The following DLGAP2 variants were observed in gnomAD, a reference collection of about 807,000 sequenced individuals.
The protein encoded by DLGAP2 is disks large-associated protein 2.
In DLGAP2, 26 loss-of-function variants were observed where a neutral mutation model predicts 100.3. The observed-to-expected ratio is 0.26, with a 90% CI of 0.19 to 0.36. DLGAP2 has a LOEUF of 0.36. DLGAP2 is among the 10% of genes least tolerant of loss of function. The pLI, the probability that DLGAP2 is intolerant of heterozygous loss-of-function variation, is 1.00. For synonymous variants in DLGAP2, 886 were observed against 630.1 expected (o/e 1.41, Z -6.08); for missense variants, 1,858 against 1,453.2 (o/e 1.28, Z -4.53).
rs181054448 is a variant in DLGAP2 at position 1,011,062 on chromosome 8, G to A, written c.73+103096G>A. Among the ~76,000 whole-genome samples the A allele has an allele frequency of 2.0e-5, 3 of 151,982 alleles. No individual in the cohort carries two copies. In the East Asian group the frequency reaches 5.8e-4, roughly 30 times the overall value. On this transcript the variant is annotated intron_variant, in intron 2 of 14. Coordinates refer to ENST00000637795, the MANE Select transcript of DLGAP2 (RefSeq NM_001346810.2). ...GTCTGCATGGTGATTCTGGGCAAGGGGTCTCAGTCTACACAGTGAGCCCTG... is the reference window on the plus strand; with the variant it reads ...GTCTGCATGGTGATTCTGGGCAAGGAGTCTCAGTCTACACAGTGAGCCCTG...
intron 3 of DLGAP2, among the ~76,000 whole-genome samples, chr8:1,468,558 C>G (rs1303774515): frequency 6.6e-6 from 1 of 152,252 alleles, no homozygotes; most frequent in Admixed American, 6.5e-5. Flanking sequence ...GATCCCAAGC[C>G]TTAGGCTCCT....
intron 2 of DLGAP2, among the ~76,000 whole-genome samples, chr8:1,128,674 G>T (rs1374127532): frequency 1.3e-5 from 2 of 152,222 alleles, no homozygotes; most frequent in Non-Finnish European, 2.9e-5. Context: ...GGTGTTAAGA[G>T]ATATGAGATT....
chr8:940,452 T>C (rs1246326597), intron 2 of DLGAP2, among the ~76,000 whole-genome samples: 1 of 152,024 alleles, frequency 6.6e-6, no homozygotes, highest in Non-Finnish European at 1.5e-5. Context: ...TCGTCCCTGC[T>C]TAGCCGGGAT....
At chr8:1,681,277 G>A (rs1159607219) in intron 12 of DLGAP2, among the ~76,000 whole-genome samples, 1 of 151,934 alleles carries the variant, frequency 6.6e-6, no homozygotes, top group Non-Finnish European at 1.5e-5. Flanking sequence ...CATGTTTAGT[G>A]CATACTTTCA....
At chr8:1,450,315 G>C (rs866540079) in intron 3 of DLGAP2, among the ~76,000 whole-genome samples, 2 of 86,576 alleles carry the variant, frequency 2.3e-5, no homozygotes, top group South Asian at 5.5e-4. Context: ...CTCGGTGGCT[G>C]AGGCGGAGCT....
In DLGAP2 at chr8:1,178,944, G is replaced by A. The variant is rs182001872; in HGVS notation, c.74-79907G>A. Among the ~76,000 whole-genome samples, 828 of 152,166 alleles carry A rather than the reference G, an allele frequency of 5.4e-3. 13 individuals carry two copies. Among genetic ancestry groups the A allele is most frequent in the African/African-American group, 0.019 (798 of 41,524 alleles). ...TGGGCACACCGGCCTCTGCACCTGG[G>A]GCCCACGCCGCCCTGGTCTCGTCTC... On this transcript the variant is annotated intron_variant, in intron 2 of 14. Coordinates refer to ENST00000637795, the MANE Select transcript of DLGAP2 (RefSeq NM_001346810.2).
chr8:1,037,527 G>A (rs528862392), intron 2 of DLGAP2, among the ~76,000 whole-genome samples: 3 of 152,148 alleles, frequency 2.0e-5, no homozygotes, highest in East Asian at 1.9e-4. Flanking sequence ...GCACGTGGAC[G>A]TGTCAGCTGC....
intron 3 of DLGAP2, among the ~76,000 whole-genome samples, chr8:1,484,498 C>T (rs1238312915): frequency 6.6e-6 from 1 of 152,248 alleles, no homozygotes; most frequent in African/African-American, 2.4e-5. Context: ...ACCCAGGGTC[C>T]TCCATGGTCT....
chr8:1,419,489 A>C (rs4876035), intron 3 of DLGAP2, among the ~76,000 whole-genome samples: 46,966 of 66,974 alleles, frequency 0.7, 16,746 homozygotes, highest in South Asian at 0.86. Flanking sequence ...TTTTGTTTTC[A>C]TTTTATAAAT....
intron 2 of DLGAP2, among the ~76,000 whole-genome samples, chr8:1,168,142 T>C (rs1797056755): frequency 6.7e-6 from 1 of 149,952 alleles, no homozygotes; most frequent in African/African-American, 2.4e-5. Context: ...TTTGGTTTTT[T>C]GTTCTTGCCA....
chr8:1,344,324 G>T (rs1801505614), intron 3 of DLGAP2, among the ~76,000 whole-genome samples: 1 of 152,170 alleles, frequency 6.6e-6, no homozygotes, highest in Non-Finnish European at 1.5e-5. Context: ...AGCCTTCAGG[G>T]TGCCACCTGC....
chr8:1,572,895 A>AG (rs1802792410), intron 6 of DLGAP2, among the ~76,000 whole-genome samples: 1 of 128,344 alleles, frequency 7.8e-6, no homozygotes, highest in Non-Finnish European at 1.6e-5. Flanking sequence ...GAGAGGAGAG[A>AG]TGGTGAACTG....
intron 1 of DLGAP2, among the ~76,000 whole-genome samples, chr8:776,137 T>C (rs1437019814): frequency 6.6e-6 from 1 of 150,944 alleles, no homozygotes; most frequent in African/African-American, 2.4e-5. Flanking sequence ...TTTATTTGCA[T>C]AGAGGTGTTT....
At chr8:1,481,171 C>CA (rs1188242759) in intron 3 of DLGAP2, among the ~76,000 whole-genome samples, 4 of 149,438 alleles carry the variant, frequency 2.7e-5, no homozygotes, top group Non-Finnish European at 5.9e-5. Context: ...GACCCCATCT[C>CA]AAAAAATAAA....
At chr8:1,124,984 C>T (rs1302818830) in intron 2 of DLGAP2, among the ~76,000 whole-genome samples, 4 of 152,154 alleles carry the variant, frequency 2.6e-5, no homozygotes, top group African/African-American at 9.7e-5. Context: ...TCTGCCCCCA[C>T]ACGGAGGAAG....
At chr8:1,080,050 T>C (rs1803750175) in intron 2 of DLGAP2, among the ~76,000 whole-genome samples, 2 of 152,324 alleles carry the variant, frequency 1.3e-5, no homozygotes, top group East Asian at 1.9e-4. Context: ...GCATGGGTTT[T>C]GTCCTCAAGC....
At chr8:1,618,022 C>T (rs922756347) in intron 6 of DLGAP2, among the ~76,000 whole-genome samples, 1 of 152,182 alleles carries the variant, frequency 6.6e-6, no homozygotes, top group Non-Finnish European at 1.5e-5. Context: ...CAACATTTAA[C>T]TCCCTCCGTA....
chr8:886,132 G>T (rs6993173), intron 1 of DLGAP2, among the ~76,000 whole-genome samples: 17,326 of 152,168 alleles, frequency 0.11, 1,443 homozygotes, highest in Admixed American at 0.26. Flanking sequence ...TCTTGGTAGG[G>T]TATATGCATC....
At chr8:840,624 G>A (rs1415387649) in intron 1 of DLGAP2, among the ~76,000 whole-genome samples, 1 of 102,752 alleles carries the variant, frequency 9.7e-6, no homozygotes, top group Non-Finnish European at 2.3e-5. Flanking sequence ...GCGTCCACAC[G>A]GTGCACGCCT....
Sources: gnomAD v4.1 joint callset for allele counts (sites outside exome capture counted in the v4.1 genomes callset) on GRCh38, gnomAD v4.1.1 for gene constraint, MANE v1.5 for transcripts, NCBI Gene and HGNC (gene_info 2026-07-23, HGNC 2026-07-21) for gene names.